EDARADD: variants seen among roughly 807,000 people sequenced by gnomAD.
The protein encoded by EDARADD is EDAR associated via death domain, also known as ectodysplasin-A receptor-associated adapter protein.
EDARADD carries 20 observed loss-of-function variants against 25.6 expected under a neutral mutation model. That is an observed-to-expected ratio of 0.78 (90% CI 0.55 to 1.14). The LOEUF is 1.14. Among genes scored for constraint, EDARADD ranks in the 50% most tolerant of loss-of-function variants. The pLI is 0.00. For synonymous variants in EDARADD, 86 were observed against 94.4 expected (o/e 0.91, Z 0.52); for missense variants, 225 against 270.1 (o/e 0.83, Z 1.17).
chr1:236,468,494 G>A (rs1410044473), intron 5 of EDARADD, among the ~76,000 whole-genome samples: 6 of 152,082 alleles, frequency 3.9e-5, no homozygotes, highest in Non-Finnish European at 8.8e-5. Flanking sequence ...TGTGGTGGGC[G>A]CCTGTAATCC....
At chr1:236,390,959 A>ATTATTATTATTATTATTT (rs771278248), upstream of EDARADD, among the ~76,000 whole-genome samples, 3 of 150,834 alleles carry the variant, frequency 2.0e-5, no homozygotes, top group East Asian at 1.9e-4. Context: ...TATTATTATT[A>ATTATTATTATTATTATTT]TTTTTTGAGA....
chr1:236,397,492 C>T (rs1209079580), intron 1 of EDARADD, among the ~76,000 whole-genome samples: 1 of 152,124 alleles, frequency 6.6e-6, no homozygotes, highest in Non-Finnish European at 1.5e-5. Context: ...AATGGATGTG[C>T]ACAACCTGGA....
intron 3 of EDARADD, among the ~76,000 whole-genome samples, chr1:236,379,597 G>T (rs1280500874): frequency 6.6e-6 from 1 of 151,770 alleles, no homozygotes; most frequent in Non-Finnish European, 1.5e-5. Context: ...TGGCCAACAC[G>T]GCGAAACACC....
Position 236,398,461 on chromosome 1 carries a change from GCTTTCCAACACTCCGACAGATCCTCAGTC to G in EDARADD, c.61+3960_61+3988del, listed in dbSNP as rs772520362. On this transcript the variant is annotated intron_variant, in intron 1 of 5. Coordinates refer to ENST00000334232, the MANE Select transcript of EDARADD (RefSeq NM_145861.4). The surrounding 1 kb of genome is among the most constrained non-coding windows in gnomAD (Gnocchi z 4.1). ...TGTGCTGGCTTTGAATCCGGTGCTG[GCTTTCCAACACTCCGACAGATCCTCAGTC>G]CTTGAGGCTTACACACTCTGTGCAA... 2.0e-5 allele frequency among the ~76,000 whole-genome samples: 3 copies of G among 152,174 alleles called. No homozygotes were observed. Among genetic ancestry groups the G allele is most frequent in the Non-Finnish European group, 2.9e-5 (2 of 68,034 alleles).
At chr1:236,359,012 C>G (rs1248855464) in intron 3 of EDARADD, among the ~76,000 whole-genome samples, 2 of 152,190 alleles carry the variant, frequency 1.3e-5, no homozygotes, top group African/African-American at 4.8e-5. Context: ...GTCTAAGTCT[C>G]TTTGTAGGTC....
intron 5 of EDARADD, among the ~76,000 whole-genome samples, chr1:236,473,573 T>A (rs1659419166): frequency 6.6e-6 from 1 of 152,010 alleles, no homozygotes; most frequent in African/African-American, 2.4e-5. Context: ...AGTCCAGGAG[T>A]TCGAGACCAG....
intron 1 of EDARADD, among the ~76,000 whole-genome samples, chr1:236,396,130 T>C (rs796257843): frequency 2.8e-4 from 42 of 152,354 alleles, no homozygotes; most frequent in African/African-American, 9.9e-4. Context: ...TGTCTAAACA[T>C]TGGCCCTCGG....
chr1:236,361,014 C>G (rs1375267260), intron 3 of EDARADD, among the ~76,000 whole-genome samples: 1 of 152,072 alleles, frequency 6.6e-6, no homozygotes, highest in Non-Finnish European at 1.5e-5. Flanking sequence ...CCAAAATAGT[C>G]TCATTTTAAG....
intron 3 of EDARADD, among the ~76,000 whole-genome samples, chr1:236,376,453 T>C (rs970104576): frequency 3.3e-5 from 5 of 152,084 alleles, no homozygotes; most frequent in African/African-American, 1.2e-4. Flanking sequence ...ATTGGTGCCA[T>C]TTTTTCTCTT....
intron 3 of EDARADD, among the ~76,000 whole-genome samples, chr1:236,351,105 C>G (rs1174675827): frequency 6.6e-6 from 1 of 152,020 alleles, no homozygotes; most frequent in Non-Finnish European, 1.5e-5. Context: ...CACCACTGCA[C>G]TCCAGCCTAG....
intron 4 of EDARADD, among the ~76,000 whole-genome samples, chr1:236,450,914 C>T (rs938449088): frequency 1.5e-4 from 23 of 152,144 alleles, no homozygotes; most frequent in South Asian, 2.1e-4. Flanking sequence ...CTTTACACAT[C>T]GAGATCCAGA....
intron 5 of EDARADD, 98 bp from the exon 6 acceptor site, chr1:236,482,169 T>C: frequency 7.0e-7 from 1 of 1,426,066 alleles, no homozygotes. Flanking sequence ...TTCCATATGA[T>C]GCTTTTGACA....
In EDARADD at chr1:236,378,949, T is replaced by C. The variant is rs555048060; in HGVS notation, c.-6+28110T>C. On this transcript the variant is annotated intron_variant, in intron 3 of 7. Coordinates refer to the EDARADD transcript ENST00000439430. ...CAGTGTTTGTAATTGATTAGATCAC[T>C]AGATGTGGAGAGGGGATGAGGAGAG... Among the ~76,000 whole-genome samples, 43 of 152,230 alleles carry C rather than the reference T, an allele frequency of 2.8e-4. No homozygotes were observed. The South Asian group carries it at 8.5e-3, about 30-fold the overall frequency.
At chr1:236,390,685 A>T (rs1053019697), upstream of EDARADD, among the ~76,000 whole-genome samples, 1 of 152,200 alleles carries the variant, frequency 6.6e-6, no homozygotes, top group African/African-American at 2.4e-5. Flanking sequence ...ACAGTGTATC[A>T]AAAGGATTAA....
chr1:236,360,405 C>T (rs1272303777), intron 3 of EDARADD, among the ~76,000 whole-genome samples: 1 of 151,924 alleles, frequency 6.6e-6, no homozygotes, highest in Non-Finnish European at 1.5e-5. Flanking sequence ...GACATCCATC[C>T]AAGGTCACAC....
In EDARADD at chr1:236,395,340, G is replaced by A. The variant is rs1321680991; in HGVS notation, c.61+835G>A. ...GGGCCCCGCCTTGCGTCCCAGCCCC[G>A]GGTCGCGGCACCCCGGCTCCCGCCC... On this transcript the variant is annotated intron_variant, in intron 1 of 5. Coordinates refer to ENST00000334232, the MANE Select transcript of EDARADD (RefSeq NM_145861.4). This position sits in a 1 kb window ranked among gnomAD's most constrained non-coding sequence, Gnocchi z 6.9. 4.6e-6 allele frequency: 6 copies of A among 1,317,608 alleles called. No individual in the cohort carries two copies. The highest frequency in any genetic ancestry group is 1.6e-5 in the African/African-American group (1 of 63,700). 81.6% of individuals were successfully genotyped at this position (1,317,608 alleles called of 1,614,324 possible).
intron 4 of EDARADD, among the ~76,000 whole-genome samples, chr1:236,430,387 A>G (rs1032365699): frequency 1.3e-5 from 2 of 152,198 alleles, no homozygotes; most frequent in Non-Finnish European, 2.9e-5. Context: ...AGATAAAAGA[A>G]TGCTAAGTTT....
Position 236,369,639 on chromosome 1 carries a change from C to T in EDARADD, c.-6+18800C>T, listed in dbSNP as rs558694239. Among the ~76,000 whole-genome samples the T allele has an allele frequency of 5.6e-4, 85 of 152,086 alleles. 1 individual carries two copies. The highest frequency in any genetic ancestry group is 1.9e-3 in the African/African-American group (79 of 41,516). ...GGTGGATCACCTGAGGTCAGGAGTT[C>T]GAGACCAGCCTCAACATGGAGAGAC... On this transcript the variant is annotated intron_variant, in intron 3 of 7. Transcript: ENST00000439430.
chr1:236,367,907 G>A (rs1363617760), intron 3 of EDARADD, among the ~76,000 whole-genome samples: 2 of 149,568 alleles, frequency 1.3e-5, no homozygotes, highest in African/African-American at 5.0e-5. Context: ...CCAGAAATTC[G>A]AGACCAGCCT....
Sources: allele counts gnomAD v4.1 joint callset (sites outside exome capture counted in the v4.1 genomes callset), GRCh38; gene constraint gnomAD v4.1.1; non-coding constraint Gnocchi (gnomAD v3.1); transcripts MANE v1.5; gene names NCBI Gene and HGNC (gene_info 2026-07-23, HGNC 2026-07-21).